The following SLC16A2 variants were observed in gnomAD, a reference collection of about 807,000 sequenced individuals.
SLC16A2 encodes monocarboxylate transporter 8.
A neutral mutation model predicts 27.2 loss-of-function variants in SLC16A2; 3 were observed. The observed-to-expected ratio is 0.11, with a 90% confidence interval of 0.05 to 0.28. SLC16A2 has a LOEUF of 0.28. Ranked by LOEUF, SLC16A2 falls within the 10% of genes least tolerant of loss-of-function variation. The pLI, the probability that SLC16A2 is intolerant of heterozygous loss-of-function variation, is 1.00. For synonymous variants in SLC16A2, 202 were observed against 187.8 expected (o/e 1.08, Z -0.62); for missense variants, 295 against 458.5 (o/e 0.64, Z 3.26).
At chrX:74,428,725 C>T (rs1052873096) in intron 1 of SLC16A2, among the ~76,000 whole-genome samples, 1 of 111,595 alleles carries the variant, frequency 9.0e-6, no homozygotes, top group African/African-American at 3.3e-5. Flanking sequence ...TCTGGATTTT[C>T]GCATAAAGAT....
chrX:74,469,191 T>A (rs944061570), intron 1 of SLC16A2, among the ~76,000 whole-genome samples: 6 of 112,369 alleles, frequency 5.3e-5, no homozygotes, highest in Non-Finnish European at 1.1e-4. Flanking sequence ...CCATTGAGTA[T>A]ATGTTATCAC....
At chrX:74,440,522 CTTTTTTT>C (rs34468845) in intron 1 of SLC16A2, among the ~76,000 whole-genome samples, 2 of 70,031 alleles carry the variant, frequency 2.9e-5, no homozygotes, top group Non-Finnish European at 5.1e-5. Flanking sequence ...ATATAAATTC[CTTTTTTT>C]TTTTTTTTTT....
At position 74,442,551 on chromosome X, in the gene SLC16A2, A is replaced by G. The variant is rs575551974; in HGVS notation, c.430+20484A>G. Among the ~76,000 whole-genome samples, 8 of 112,186 alleles carry G rather than the reference A, an allele frequency of 7.1e-5. No homozygotes were observed. In the South Asian group the frequency reaches 3.0e-3, roughly 42 times the overall value. On this transcript the variant is annotated intron_variant, in intron 1 of 5. Coordinates refer to ENST00000587091, the MANE Select transcript of SLC16A2 (RefSeq NM_006517.5). ...TGATAAACCAGTTCAGGTTCAGCCA[A>G]TATTTATTGAGCATTTACTATGTAC...
chrX:74,465,771 A>G (rs749915368), intron 1 of SLC16A2, among the ~76,000 whole-genome samples: 1 of 111,538 alleles, frequency 9.0e-6, no homozygotes, highest in Non-Finnish European at 1.9e-5. Flanking sequence ...TGGGCCATGA[A>G]CAAAGTAGTA....
intron 1 of SLC16A2, among the ~76,000 whole-genome samples, chrX:74,430,727 G>T (rs184271792): frequency 8.9e-6 from 1 of 112,261 alleles, no homozygotes; most frequent in Non-Finnish European, 1.9e-5. Flanking sequence ...TAGTTCAGCT[G>T]GAAACAGTTT....
At chrX:74,444,867 C>T (rs1482493907) in intron 1 of SLC16A2, among the ~76,000 whole-genome samples, 1 of 111,918 alleles carries the variant, frequency 8.9e-6, no homozygotes, top group Non-Finnish European at 1.9e-5. Context: ...GCTGTAAAGA[C>T]GAGGTGATCA....
chrX:74,450,580 T>C (rs950494607), intron 1 of SLC16A2, among the ~76,000 whole-genome samples: 1 of 111,503 alleles, frequency 9.0e-6, no homozygotes, highest in Admixed American at 9.5e-5. Flanking sequence ...AGTCATCAGA[T>C]AGTATTGGGA....
At chrX:74,434,987 C>A (rs1004348008) in intron 1 of SLC16A2, among the ~76,000 whole-genome samples, 17 of 94,985 alleles carry the variant, frequency 1.8e-4, no homozygotes, top group Non-Finnish European at 3.1e-4. Context: ...CCATGCCCAG[C>A]TAATTTTTGT....
intron 1 of SLC16A2, 27 bp downstream of exon 1, chrX:74,422,094 G>T: frequency 8.4e-7 from 1 of 1,194,466 alleles, no homozygotes; most frequent in East Asian, 3.0e-5. Flanking sequence ...GCCCCACTTG[G>T]CATTTTGGGC....
intron 1 of SLC16A2, among the ~76,000 whole-genome samples, chrX:74,480,952 A>G (rs767394068): frequency 2.7e-5 from 3 of 112,365 alleles, no homozygotes; most frequent in Non-Finnish European, 5.6e-5. Flanking sequence ...GTTATATTTT[A>G]TCAAATGCTT....
intron 5 of SLC16A2, among the ~76,000 whole-genome samples, chrX:74,530,635 A>G (rs373140634): frequency 8.9e-6 from 1 of 111,747 alleles, no homozygotes; most frequent in East Asian, 2.8e-4. Context: ...ACAGTGCCCC[A>G]GAATCCACAT....
chrX:74,515,525 A>G (rs1930303982), intron 1 of SLC16A2, among the ~76,000 whole-genome samples: 1 of 112,100 alleles, frequency 8.9e-6, no homozygotes, highest in African/African-American at 3.2e-5. Context: ...TCTGGTAAAA[A>G]CATAAGTCTG....
At chrX:74,431,998 T>C (rs1928542493) in intron 1 of SLC16A2, among the ~76,000 whole-genome samples, 1 of 111,795 alleles carries the variant, frequency 8.9e-6, no homozygotes, top group Non-Finnish European at 1.9e-5. Context: ...CTCAGTTCTC[T>C]GAGAGCCCAG....
chrX:74,487,103 T>A (rs1273546289), intron 1 of SLC16A2, among the ~76,000 whole-genome samples: 1 of 111,458 alleles, frequency 9.0e-6, no homozygotes, highest in African/African-American at 3.3e-5. Flanking sequence ...TTATTTATTT[T>A]TTACCCTTAG....
chrX:74,441,484 A>G (rs1416847499), intron 1 of SLC16A2, among the ~76,000 whole-genome samples: 11 of 112,230 alleles, frequency 9.8e-5, no homozygotes, highest in Non-Finnish European at 1.5e-4. Context: ...TATTTATTTA[A>G]GGTTTCTGCA....
At chrX:74,432,114 G>A (rs750562832) in intron 1 of SLC16A2, among the ~76,000 whole-genome samples, 1 of 111,836 alleles carries the variant, frequency 8.9e-6, no homozygotes, top group African/African-American at 3.2e-5. Flanking sequence ...ACAAGTCAAG[G>A]ACTGAGTTTT....
intron 1 of SLC16A2, among the ~76,000 whole-genome samples, chrX:74,497,815 CA>C (rs1233109660): frequency 9.6e-6 from 1 of 104,261 alleles, no homozygotes; most frequent in Non-Finnish European, 2.0e-5. Flanking sequence ...CCCTTTTGTA[CA>C]TCCTTGCTGC....
At chrX:74,448,302 ATTTTTTTTTTT>A (rs144467927) in intron 1 of SLC16A2, among the ~76,000 whole-genome samples, 18 of 64,273 alleles carry the variant, frequency 2.8e-4, no homozygotes, top group Non-Finnish European at 1.6e-4. Context: ...AATCCTTTGG[ATTTTTTTTTTT>A]TTTTTTTTTT....
chrX:74,496,523 T>C (rs1205853337), intron 1 of SLC16A2, among the ~76,000 whole-genome samples: 1 of 112,020 alleles, frequency 8.9e-6, no homozygotes, highest in Non-Finnish European at 1.9e-5. Flanking sequence ...CAAGAGAGGA[T>C]TCTGATCCAG....
Sources: gnomAD v4.1 joint callset for allele counts (sites outside exome capture counted in the v4.1 genomes callset) on GRCh38, gnomAD v4.1.1 for gene constraint, MANE v1.5 for transcripts, NCBI Gene and HGNC (gene_info 2026-07-23, HGNC 2026-07-21) for gene names.